PHRF1: variants seen among roughly 807,000 people sequenced by gnomAD.
PHRF1 encodes the protein PHD and RING finger domain-containing protein 1.
A neutral mutation model predicts 128.9 loss-of-function variants in PHRF1; 53 were observed. The observed-to-expected ratio is 0.41, with a 90% CI of 0.33 to 0.52. The LOEUF (loss-of-function observed/expected upper bound fraction) is 0.52, where lower values mean the gene tolerates loss of function less well. Ranked by LOEUF, PHRF1 falls within the 20% of genes least tolerant of loss-of-function variation. PHRF1 has a pLI of 0.21. For missense variants in PHRF1, 2,503 were observed against 2,284.5 expected, an observed-to-expected ratio of 1.10 and a Z score of -1.95; for synonymous variants, 1,178 against 980.6, an observed-to-expected ratio of 1.20 and a Z score of -3.76.
rs775957437 is a variant in PHRF1, at chr11:611,065, C to T, written c.4789C>T (p.Arg1597Cys). Residue 1597 changes from arginine (R) to cysteine (C), a missense_variant, in exon 17 of 18, where the codon CGC (arginine) becomes TGC (cysteine). Arg to Cys is a radical substitution (Grantham distance 180). Transcript: ENST00000264555. Reference protein sequence around the residue: ...VTKEEYKDILRKAVQKICHSK... With the variant: ...VTKEEYKDILCKAVQKICHSK... ...CAAGGAGGAGTACAAGGACATCCTGCGCAAGGCCGTGCAGAAGGTGGGCTG... is the reference window on the plus strand; with the variant it reads ...CAAGGAGGAGTACAAGGACATCCTGTGCAAGGCCGTGCAGAAGGTGGGCTG... The T allele has an allele frequency of 5.0e-6, 8 of 1,612,836 alleles. No homozygotes were observed. The highest frequency in any genetic ancestry group is 2.7e-5 in the African/African-American group (2 of 74,900).
chr11:602,708 T>C lies in PHRF1; in HGVS notation c.1152+1007T>C, dbSNP rs547235319. 6.9e-4 allele frequency among the ~76,000 whole-genome samples: 105 copies of C among 151,550 alleles called. 1 individual carries two copies. The highest frequency in any genetic ancestry group is 2.5e-3 in the African/African-American group (103 of 41,420). On this transcript the variant is annotated intron_variant, in intron 10 of 17. Transcript: ENST00000264555. The stretch of plus-strand genomic sequence containing the variant: ...AAAACAAAACAAAACAAAACAAAAC[T>C]GAGTTGCAGCCATTGTTCAAGTGTT...
chr11:598,564 C>G, intron 9 of PHRF1, 62 bp downstream of exon 9: 1 of 1,543,490 alleles, frequency 6.5e-7, no homozygotes, highest in Non-Finnish European at 8.7e-7. Context: ...CCGAGGTCCA[C>G]TCACTGCTTC....
chr11:610,176 CCTGT>C lies in PHRF1; in HGVS notation c.4265-14_4265-11del, dbSNP rs2133098860. 7 of 1,486,444 alleles carry C rather than the reference CCTGT, an allele frequency of 4.7e-6. No homozygotes were observed. The highest frequency in any genetic ancestry group is 1.4e-5 in the African/African-American group (1 of 71,112). The allele number at this position is 1,486,444 out of a possible 1,614,324, so 92.1% of individuals were successfully genotyped here. A position where few individuals can be genotyped will look rare whatever the true frequency, so the allele number is the denominator to read the frequency against. The stretch of plus-strand genomic sequence containing the variant: ...GGGGTGGGCACAGAGCACCCACCTC[CCTGT>C]CTGTCGGGCCCCCAGGGGCACCACT... On this transcript the variant is annotated splice_polypyrimidine_tract_variant and intron_variant, in intron 14 of 17. Transcript: ENST00000264555.
chr11:602,749 GGTTTTGTTTTT>G (rs369159246), intron 10 of PHRF1, among the ~76,000 whole-genome samples: 1,523 of 150,760 alleles, frequency 0.01, 32 homozygotes, highest in African/African-American at 0.035. Flanking sequence ...AATCTTTTTT[GGTTTTGTTTTT>G]GTTTTTTTTG....
At chr11:594,294 C>T (rs1290910638) in intron 6 of PHRF1, among the ~76,000 whole-genome samples, 2 of 152,254 alleles carry the variant, frequency 1.3e-5, no homozygotes, top group African/African-American at 4.8e-5. Flanking sequence ...CTGGTCGCCA[C>T]AGGCACCGTC....
chr11:583,603 C>T (rs1293039869), intron 3 of PHRF1, among the ~76,000 whole-genome samples: 2 of 152,206 alleles, frequency 1.3e-5, no homozygotes, highest in African/African-American at 2.4e-5. Flanking sequence ...TTCCAAAGGG[C>T]AGGTCTGCGC....
At chr11:591,299 A>G (rs1438990732) in intron 4 of PHRF1, 85 bp from the exon 5 acceptor site, 23 of 1,212,108 alleles carry the variant, frequency 1.9e-5, no homozygotes, top group Admixed American at 2.1e-5. Flanking sequence ...CATTTAGCAG[A>G]TACTTGATTT....
intron 6 of PHRF1, among the ~76,000 whole-genome samples, chr11:595,184 G>A (rs150641410): frequency 6.6e-6 from 1 of 152,126 alleles, no homozygotes; most frequent in Non-Finnish European, 1.5e-5. Context: ...TTGGCCGGGC[G>A]TGGTGGTTCA....
intron 10 of PHRF1, among the ~76,000 whole-genome samples, chr11:603,643 G>T (rs1855767074): frequency 6.7e-6 from 1 of 149,416 alleles, no homozygotes; most frequent in Admixed American, 6.7e-5. Flanking sequence ...GCATCTTTAT[G>T]TGAATTTATA....
intron 1 of PHRF1, among the ~76,000 whole-genome samples, chr11:578,340 G>T (rs1854005762): frequency 1.3e-5 from 2 of 152,374 alleles, no homozygotes; most frequent in East Asian, 1.9e-4. Context: ...CGTTCCTGCT[G>T]CTGTGGTGGA....
chr11:598,958 C>T (rs1855467704), intron 9 of PHRF1, among the ~76,000 whole-genome samples: 1 of 152,184 alleles, frequency 6.6e-6, no homozygotes, highest in South Asian at 2.1e-4. Flanking sequence ...AATTTTGTCC[C>T]AGTGCTGGTT....
At position 607,780 on chromosome 11, in the gene PHRF1, A is replaced by G; in HGVS notation, c.2324A>G (p.Glu775Gly). 6.2e-7 allele frequency: 1 copy of G among 1,612,648 alleles called. No homozygotes were observed. The highest frequency in any genetic ancestry group is 2.2e-5 in the East Asian group (1 of 44,870). Residue 775 changes from glutamate to glycine, a missense_variant, in exon 14 of 18, where the codon GAG becomes GGG. Coordinates refer to ENST00000264555, the MANE Select transcript of PHRF1 (RefSeq NM_001286581.2). ...GGGAAAGGGGTCGGGTCGACCTTTG[A>G]GAGCTTCCGGATCAATATTCCTGGA... is the stretch of plus-strand genomic sequence containing the variant. ...SRGKGVGSTF[E>G]SFRINIPGNM... is the part of the protein sequence containing the mutation.
At position 609,350 on chromosome 11, in the gene PHRF1, C is replaced by A. The variant is rs749386811; in HGVS notation, c.3894C>A (p.Ser1298=). ...CTTCTCCCGAAAGCACAGACTCTTCCCCGGAGCGAGACTTCCCACTGAAGC... is the reference window on the plus strand; with the variant it reads ...CTTCTCCCGAAAGCACAGACTCTTCACCGGAGCGAGACTTCCCACTGAAGC... The part of the protein sequence containing the change: ...SPPSPESTDS[S]PERDFPLKPA... Residue 1298 remains serine, a synonymous_variant, in exon 14 of 18, where the codon TCC becomes TCA. Coordinates refer to ENST00000264555, the MANE Select transcript of PHRF1 (RefSeq NM_001286581.2). The A allele has an allele frequency of 6.8e-6, 11 of 1,612,328 alleles. No homozygotes were observed. Among genetic ancestry groups the A allele is most frequent in the Middle Eastern group, 1.6e-4 (1 of 6,084 alleles).
intron 1 of PHRF1, among the ~76,000 whole-genome samples, chr11:579,078 C>T (rs61877828): frequency 0.044 from 6,693 of 152,274 alleles, 228 homozygotes; most frequent in Non-Finnish European, 0.067. Flanking sequence ...GAGCTCAGGC[C>T]GTCTGCCCAC....
rs561476896 is a variant in PHRF1, at chr11:608,071, C to A, written c.2615C>A (p.Thr872Lys). The A allele has an allele frequency of 1.2e-6, 2 of 1,611,652 alleles. No individual in the cohort carries two copies. Among genetic ancestry groups the A allele is most frequent in the East Asian group, 4.5e-5 (2 of 44,872 alleles). ...TCCATCAACAGCCCGAAGGCCCAGA[C>A]GGTGCAGGCTGTGCGCTGCGTCACC... ...TISINSPKAQ[T>K]VQAVRCVTSY... Residue 872 changes from threonine (T) to lysine (K), a missense_variant, in exon 14 of 18, where the codon ACG becomes AAG. Thr to Lys is a moderately conservative substitution (Grantham distance 78, BLOSUM62 -1). Transcript: ENST00000264555.
chr11:585,934 T>C (rs1345420299), intron 3 of PHRF1, among the ~76,000 whole-genome samples: 1 of 152,168 alleles, frequency 6.6e-6, no homozygotes, highest in African/African-American at 2.4e-5. Context: ...CAGTCTAGGC[T>C]CACTGCAACC....
chr11:602,050 AGCT>A (rs1247568239), intron 10 of PHRF1, among the ~76,000 whole-genome samples: 1 of 152,132 alleles, frequency 6.6e-6, no homozygotes, highest in Non-Finnish European at 1.5e-5. Flanking sequence ...CCCCAGGAGC[AGCT>A]GTGGGTTTCA....
chr11:596,075 C>T (rs898536323), intron 6 of PHRF1, among the ~76,000 whole-genome samples: 1 of 152,210 alleles, frequency 6.6e-6, no homozygotes, highest in African/African-American at 2.4e-5. Context: ...ATCTTAGATC[C>T]TAGAACAGTT....
intron 6 of PHRF1, among the ~76,000 whole-genome samples, chr11:593,789 G>C (rs572051910): frequency 1.1e-4 from 17 of 152,310 alleles, no homozygotes; most frequent in African/African-American, 4.1e-4. Flanking sequence ...CCTGCCCTCT[G>C]CTCCCAGCAG....
Sources: allele counts gnomAD v4.1 joint callset (sites outside exome capture counted in the v4.1 genomes callset), GRCh38; gene constraint gnomAD v4.1.1; transcripts MANE v1.5; gene names NCBI Gene and HGNC (gene_info 2026-07-23, HGNC 2026-07-21).